The following NEK1 variants were observed in gnomAD, a reference collection of about 807,000 sequenced individuals.
NEK1 encodes NIMA related kinase 1.
In NEK1, 137 loss-of-function variants were observed where a neutral mutation model predicts 182.1. The observed-to-expected ratio is 0.75, with a 90% confidence interval of 0.65 to 0.87. The LOEUF (loss-of-function observed/expected upper bound fraction) is 0.87, where lower values mean the gene tolerates loss of function less well. Among genes scored for constraint, NEK1 ranks in the 40% least tolerant of loss-of-function variants. The pLI, the probability that NEK1 is intolerant of heterozygous loss-of-function variation, is 0.00. For missense variants in NEK1, 1,391 were observed against 1,494.4 expected (o/e 0.93, Z 1.14); for synonymous variants, 513 against 492.2 (o/e 1.04, Z -0.56).
intron 23 of NEK1, among the ~76,000 whole-genome samples, chr4:169,485,308 A>G (rs1026943865): frequency 6.6e-6 from 1 of 152,246 alleles, no homozygotes; most frequent in African/African-American, 2.4e-5. Context: ...ACTTAAGAAG[A>G]CAACTAAGTT....
intron 5 of NEK1, among the ~76,000 whole-genome samples, chr4:169,597,915 CAG>C (rs1474210680): frequency 4.6e-5 from 7 of 151,916 alleles, no homozygotes; most frequent in Non-Finnish European, 1.0e-4. Context: ...GCCTGGGTGA[CAG>C]AGTGAGACTC....
intron 26 of NEK1, among the ~76,000 whole-genome samples, chr4:169,474,053 G>T (rs184469704): frequency 6.6e-6 from 1 of 152,092 alleles, no homozygotes; most frequent in East Asian, 1.9e-4. Context: ...TTAGAAATGG[G>T]GTGATAGCTA....
chr4:169,462,172 T>C (rs1744090083), intron 27 of NEK1, among the ~76,000 whole-genome samples: 1 of 152,078 alleles, frequency 6.6e-6, no homozygotes, highest in South Asian at 2.1e-4. Context: ...TTTTCTCATT[T>C]TTTTCCAGAG....
chr4:169,459,877 G>A (rs1196958459), intron 27 of NEK1, among the ~76,000 whole-genome samples: 1 of 152,192 alleles, frequency 6.6e-6, no homozygotes, highest in Admixed American at 6.5e-5. Flanking sequence ...GGGTTTGGAA[G>A]AAAGGGAGGG....
chr4:169,567,275 GT>G (rs1232495722), intron 12 of NEK1, among the ~76,000 whole-genome samples: 1 of 150,140 alleles, frequency 6.7e-6, no homozygotes, highest in African/African-American at 2.5e-5. Flanking sequence ...TTCTTCAAAT[GT>G]TTTTTTCATT....
At chr4:169,430,815 T>G (rs1181147571) in intron 29 of NEK1, among the ~76,000 whole-genome samples, 2 of 152,002 alleles carry the variant, frequency 1.3e-5, no homozygotes, top group African/African-American at 4.8e-5. Context: ...ATGCAAGATG[T>G]TAAAAATATC....
intron 23 of NEK1, among the ~76,000 whole-genome samples, chr4:169,480,765 A>C (rs1747846387): frequency 6.6e-6 from 1 of 152,196 alleles, no homozygotes; most frequent in Non-Finnish European, 1.5e-5. Flanking sequence ...ATTTAAATAA[A>C]GATGAGGTCC....
intron 31 of NEK1, among the ~76,000 whole-genome samples, chr4:169,417,472 G>A (rs1314554508): frequency 6.6e-6 from 1 of 152,158 alleles, no homozygotes; most frequent in Non-Finnish European, 1.5e-5. Flanking sequence ...AGGAAGAGAA[G>A]TTAGGAAACA....
chr4:169,580,013 G>GA (rs994987600), intron 11 of NEK1, among the ~76,000 whole-genome samples: 1 of 151,678 alleles, frequency 6.6e-6, no homozygotes, highest in Non-Finnish European at 1.5e-5. Context: ...TTCTATTCAG[G>GA]AAAAAAATAA....
At chr4:169,442,841 C>T (rs1276697998) in intron 27 of NEK1, among the ~76,000 whole-genome samples, 2 of 152,110 alleles carry the variant, frequency 1.3e-5, no homozygotes, top group African/African-American at 2.4e-5. Context: ...GGAGACCAGC[C>T]TGGGCAACAC....
Position 169,414,178 on chromosome 4 carries a change from CA to C in NEK1, c.3223-7432del, listed in dbSNP as rs144636726. Among the ~76,000 whole-genome samples the C allele has an allele frequency of 4.0e-3, 601 of 152,050 alleles. 5 individuals carry two copies. Among genetic ancestry groups the C allele is most frequent in the South Asian group, 0.03 (143 of 4,810 alleles). ...GGTAGTTCATAGCTACTTCCCAAGA[CA>C]AAAAATATTAATAATTGTGAACAAT... On this transcript the variant is annotated intron_variant, in intron 31 of 35. Transcript: ENST00000507142.
chr4:169,518,542 T>C (rs1443286340), intron 19 of NEK1, among the ~76,000 whole-genome samples: 1 of 87,194 alleles, frequency 1.1e-5, no homozygotes, highest in East Asian at 3.6e-4. Context: ...TCTTGCCTTC[T>C]GCTAGCTTTT....
intron 31 of NEK1, among the ~76,000 whole-genome samples, chr4:169,416,642 G>A (rs892926931): frequency 6.6e-6 from 1 of 152,186 alleles, no homozygotes; most frequent in Non-Finnish European, 1.5e-5. Context: ...GGTGGCTCAC[G>A]CCTGTAATTC....
intron 31 of NEK1, among the ~76,000 whole-genome samples, chr4:169,413,168 C>T (rs1368669841): frequency 1.3e-5 from 1 of 75,196 alleles, no homozygotes; most frequent in Admixed American, 2.0e-4. Flanking sequence ...AATAGTACAG[C>T]TAATTTTTTT....
At position 169,400,329 on chromosome 4, in the gene NEK1, A is replaced by G; in HGVS notation, c.3743T>C (p.Ile1248Thr). Residue 1248 changes from isoleucine (I) to threonine (T), a missense_variant, in exon 35 of 36, where the codon ATT (isoleucine) becomes ACT (threonine). Coordinates refer to ENST00000507142, the MANE Select transcript of NEK1 (RefSeq NM_001199397.3). ...TTGAACTATTTTTGAACAAATTTCA[A>G]TATTTTCATCTTCATCTTCATGAAT... ...KAIHEDEDEN[I>T]EICSKIVQNI... is the part of the protein sequence containing the mutation. The G allele has an allele frequency of 6.5e-7, 1 of 1,532,468 alleles. No homozygotes were observed. 94.9% of individuals were successfully genotyped at this position (1,532,468 alleles called of 1,614,324 possible).
chr4:169,537,993 T>C, intron 18 of NEK1, 82 bp from the exon 19 acceptor site: 2 of 989,998 alleles, frequency 2.0e-6, no homozygotes, highest in Non-Finnish European at 3.0e-6. Flanking sequence ...TCCTAAATTT[T>C]TTTTTCATTT....
intron 27 of NEK1, among the ~76,000 whole-genome samples, chr4:169,446,566 G>A (rs1740611235): frequency 6.6e-6 from 1 of 151,834 alleles, no homozygotes; most frequent in Non-Finnish European, 1.5e-5. Context: ...AACTAAATAA[G>A]GTACCAGACA....
intron 16 of NEK1, among the ~76,000 whole-genome samples, chr4:169,558,115 T>C (rs1383965424): frequency 6.6e-6 from 1 of 152,194 alleles, no homozygotes; most frequent in East Asian, 1.9e-4. Flanking sequence ...GGTGGTCATA[T>C]TTCCTATGAA....
intron 5 of NEK1, among the ~76,000 whole-genome samples, chr4:169,596,942 A>G (rs918454273): frequency 1.3e-5 from 2 of 152,148 alleles, no homozygotes; most frequent in African/African-American, 4.8e-5. Flanking sequence ...TGAACTATAC[A>G]AATCTCCATA....
Sources: allele counts gnomAD v4.1 joint callset (sites outside exome capture counted in the v4.1 genomes callset), GRCh38; gene constraint gnomAD v4.1.1; transcripts MANE v1.5; gene names NCBI Gene and HGNC (gene_info 2026-07-23, HGNC 2026-07-21).